Variants in ERBB4 observed in about 807,000 individuals in gnomAD.
ERBB4 encodes the protein receptor tyrosine-protein kinase erbB-4.
ERBB4 carries 42 observed loss-of-function variants against 158.0 expected under a neutral mutation model. The ratio of observed to expected loss-of-function variants is 0.27; its 90% CI spans 0.21 to 0.34. The LOEUF (loss-of-function observed/expected upper bound fraction) is 0.34. ERBB4 is among the 10% of genes least tolerant of loss of function. The pLI is 1.00. For missense variants in ERBB4, 1,333 were observed against 1,624.1 expected (o/e 0.82, Z 3.08); for synonymous variants, 583 against 558.7 (o/e 1.04, Z -0.61).
chr2:211,401,378 AT>A (rs112672424), intron 25 of ERBB4, among the ~76,000 whole-genome samples: 44 of 150,404 alleles, frequency 2.9e-4, no homozygotes, highest in East Asian at 5.9e-4. Context: ...GTTGGCATTG[AT>A]TTTTTTTTTA....
rs76286677 is a variant in ERBB4, at chr2:211,844,842, A to G, written c.422-56683T>C. 8.0e-4 allele frequency among the ~76,000 whole-genome samples: 122 copies of G among 152,278 alleles called. 2 individuals are homozygous for G. Among genetic ancestry groups the G allele is most frequent in the African/African-American group, 2.8e-3 (115 of 41,576 alleles). Reference sequence around the variant, plus strand: ...AGCACCATTTAACTGTGGATATTCAATGCCTGAGATTACTCAGTGATGGAT... The same window carrying G: ...AGCACCATTTAACTGTGGATATTCAGTGCCTGAGATTACTCAGTGATGGAT... On this transcript the variant is annotated intron_variant, in intron 3 of 27. Transcript: ENST00000342788.
chr2:212,450,333 C>T (rs936325637), intron 1 of ERBB4, among the ~76,000 whole-genome samples: 2 of 152,044 alleles, frequency 1.3e-5, no homozygotes, highest in African/African-American at 4.8e-5. Flanking sequence ...TGTAGGGTGC[C>T]TGAGATGGGA....
intron 1 of ERBB4, among the ~76,000 whole-genome samples, chr2:212,165,287 G>T (rs1470971333): frequency 6.6e-6 from 1 of 151,566 alleles, no homozygotes; most frequent in Non-Finnish European, 1.5e-5. Flanking sequence ...TAATATCAAT[G>T]TCATTTTTTA....
At chr2:212,002,202 G>A (rs776779968) in intron 2 of ERBB4, among the ~76,000 whole-genome samples, 37 of 152,068 alleles carry the variant, frequency 2.4e-4, no homozygotes, top group Non-Finnish European at 4.4e-4. Context: ...TATTGGCAAA[G>A]CAAAATATAC....
Position 211,630,617 on chromosome 2 carries a change from A to AAT in ERBB4, c.1947-24_1947-23insAT, listed in dbSNP as rs1559364888. On this transcript the variant is annotated intron_variant, in intron 16 of 27. Coordinates refer to ENST00000342788, the MANE Select transcript of ERBB4 (RefSeq NM_005235.3). Reference sequence around the variant, plus strand: ...GTTCTGACAACCAGAATGAGAAAAAAAAAAATAAAAAGTATGAAGAGAGAG... The same window carrying AAT: ...GTTCTGACAACCAGAATGAGAAAAAAATAAAAATAAAAAGTATGAAGAGAGAG... 3 of 1,603,908 alleles carry AAT rather than the reference A, an allele frequency of 1.9e-6. No individual in the cohort carries two copies. In the African/African-American group the frequency reaches 4.0e-5, roughly 22 times the overall value.
At chr2:211,416,029 CTGAGA>C (rs1185138909) in intron 25 of ERBB4, among the ~76,000 whole-genome samples, 2 of 152,182 alleles carry the variant, frequency 1.3e-5, no homozygotes, top group African/African-American at 4.8e-5. Context: ...CTTCCACTGG[CTGAGA>C]TAATTAAGAG....
At chr2:212,119,896 G>A (rs1041090756) in intron 2 of ERBB4, among the ~76,000 whole-genome samples, 18 of 152,132 alleles carry the variant, frequency 1.2e-4, no homozygotes, top group African/African-American at 4.1e-4. Context: ...TTATTTAAAA[G>A]TGCATCTTCA....
intron 1 of ERBB4, among the ~76,000 whole-genome samples, chr2:212,362,860 A>C (rs2089741934): frequency 6.6e-6 from 1 of 151,394 alleles, no homozygotes; most frequent in Non-Finnish European, 1.5e-5. Flanking sequence ...TTTAATTATA[A>C]AACAATTGAA....
chr2:212,124,542 T>C, intron 2 of ERBB4: 1 of 574,178 alleles, frequency 1.7e-6, no homozygotes, highest in Non-Finnish European at 3.1e-6. Flanking sequence ...CAACAGCAAC[T>C]GCTTTAAACT....
At chr2:211,669,872 T>C (rs79071137) in intron 14 of ERBB4, among the ~76,000 whole-genome samples, 1,684 of 152,300 alleles carry the variant, frequency 0.011, 39 homozygotes, top group African/African-American at 0.039. Flanking sequence ...GTGCTGACTT[T>C]TGGAGTAACT....
At chr2:212,492,735 T>C (rs552698687) in intron 1 of ERBB4, among the ~76,000 whole-genome samples, 1 of 151,622 alleles carries the variant, frequency 6.6e-6, no homozygotes, top group South Asian at 2.1e-4. Context: ...CCTATAATTT[T>C]GGAACTCTGA....
chr2:211,398,251 C>A (rs78983582), intron 25 of ERBB4, among the ~76,000 whole-genome samples: 2,348 of 152,214 alleles, frequency 0.015, 53 homozygotes, highest in African/African-American at 0.054. Flanking sequence ...TCTTAATACC[C>A]CCAGAATCTA....
At chr2:211,918,463 A>G (rs1176672265) in intron 3 of ERBB4, among the ~76,000 whole-genome samples, 2 of 152,052 alleles carry the variant, frequency 1.3e-5, no homozygotes, top group African/African-American at 4.8e-5. Context: ...ACCTTTACCT[A>G]CACTGTGGTG....
chr2:211,787,922 C>T (rs1040026273), intron 4 of ERBB4, 103 bp downstream of exon 4: 1 of 1,123,292 alleles, frequency 8.9e-7, no homozygotes, highest in Non-Finnish European at 1.3e-6. Flanking sequence ...TCAATGAATG[C>T]AATCAAAGTT....
chr2:212,067,624 C>G (rs986427000), intron 2 of ERBB4, among the ~76,000 whole-genome samples: 1 of 151,966 alleles, frequency 6.6e-6, no homozygotes, highest in African/African-American at 2.4e-5. Flanking sequence ...CCAAAAATGT[C>G]AGATGTCACA....
chr2:212,410,812 T>C (rs1417598766), intron 1 of ERBB4, among the ~76,000 whole-genome samples: 1 of 152,114 alleles, frequency 6.6e-6, no homozygotes, highest in Non-Finnish European at 1.5e-5. Context: ...CTATTCACCA[T>C]GTAAGACTCT....
chr2:212,538,089 C>A (rs1383457127), intron 1 of ERBB4, among the ~76,000 whole-genome samples: 1 of 152,128 alleles, frequency 6.6e-6, no homozygotes, highest in Non-Finnish European at 1.5e-5. Context: ...CCCTCGGGGA[C>A]CCGACAGGGA....
intron 20 of ERBB4, among the ~76,000 whole-genome samples, chr2:211,510,196 C>T (rs1490014325): frequency 1.6e-4 from 25 of 152,182 alleles, no homozygotes; most frequent in Admixed American, 1.5e-3. Flanking sequence ...AGTTGACCAT[C>T]AATGGGTGGT....
At position 211,467,753 on chromosome 2, in the gene ERBB4, GC is replaced by G. The variant is rs568180701; in HGVS notation, c.2488-36654del. The stretch of plus-strand genomic sequence containing the variant: ...GGCTAGGCCATATGGGAGGAAAGAA[GC>G]TAAATTCCTTGTGGAAACTGTAAAT... On this transcript the variant is annotated intron_variant, in intron 20 of 27. Transcript: ENST00000342788. Among the ~76,000 whole-genome samples, 18 of 152,258 alleles carry G rather than the reference GC, an allele frequency of 1.2e-4. No individual in the cohort carries two copies. In the South Asian group the frequency reaches 3.7e-3, roughly 32 times the overall value.
Sources: allele counts gnomAD v4.1 joint callset (sites outside exome capture counted in the v4.1 genomes callset), GRCh38; gene constraint gnomAD v4.1.1; transcripts MANE v1.5; gene names NCBI Gene and HGNC (gene_info 2026-07-23, HGNC 2026-07-21).